The following CFAP276 variants were observed in gnomAD, a reference collection of about 807,000 sequenced individuals.
CFAP276 encodes cilia and flagella associated protein 276.
the CFAP276 span, chr1:109,113,604 G>C: frequency 2.8e-3 from 4,560 of 1,612,384 alleles, 124 homozygotes; most frequent in African/African-American, 0.053. Context: ...AGATCTCCAG[G>C]AGTGGCCTTC....
the CFAP276 span, among the ~76,000 whole-genome samples, chr1:109,111,819 T>C: frequency 6.6e-6 from 1 of 152,190 alleles, no homozygotes; most frequent in East Asian, 1.9e-4. Context: ...AAGCTTTCCT[T>C]TAAGTTCCTG....
At chr1:109,112,703 G>A in the CFAP276 span, 8 of 1,548,622 alleles carry the variant, frequency 5.2e-6, no homozygotes, top group Admixed American at 1.6e-4. Context: ...ACTCTTTTAA[G>A]AGGGATGGGA....
At chr1:109,112,491 CTGAG>C in the CFAP276 span, 6 of 1,411,096 alleles carry the variant, frequency 4.3e-6, no homozygotes, top group Non-Finnish European at 5.6e-6. Context: ...TGGTACCCGA[CTGAG>C]TGTCTTCACC....
chr1:109,112,903 C>A, the CFAP276 span: 17 of 609,938 alleles, frequency 2.8e-5, no homozygotes, highest in Admixed American at 6.3e-4. Flanking sequence ...GCAGAGGGAA[C>A]GTTCCGCTGA....
the CFAP276 span, among the ~76,000 whole-genome samples, chr1:109,107,624 C>A: frequency 1.3e-5 from 2 of 151,798 alleles, no homozygotes; most frequent in East Asian, 3.9e-4. Context: ...TGCAGTGGCT[C>A]ATGCCTATAA....
chr1:109,113,813 A>C, the CFAP276 span: 1 of 955,368 alleles, frequency 1.0e-6, no homozygotes, highest in East Asian at 2.8e-5. Context: ...TCTTCACACG[A>C]GCCCCGGGCC....
the CFAP276 span, chr1:109,112,748 A>G: frequency 9.1e-6 from 14 of 1,535,124 alleles, no homozygotes; most frequent in Middle Eastern, 2.3e-4. Flanking sequence ...TCACTGGCAT[A>G]AGATCCCGGG....
At chr1:109,106,125 G>A in the CFAP276 span, 1 of 1,587,330 alleles carries the variant, frequency 6.3e-7, no homozygotes. Flanking sequence ...AGAGGAAGTG[G>A]ACTGAATTTC....
the CFAP276 span, chr1:109,113,810 AC>A: frequency 1.0e-6 from 1 of 983,682 alleles, no homozygotes; most frequent in Admixed American, 2.2e-5. Context: ...TGTTCTTCAC[AC>A]GAGCCCCGGG....
the CFAP276 span, among the ~76,000 whole-genome samples, chr1:109,112,198 C>G: frequency 1.3e-5 from 2 of 152,192 alleles, no homozygotes; most frequent in East Asian, 1.9e-4. Flanking sequence ...AAGACAGAGA[C>G]AGTGTGAACA....
chr1:109,113,483 CT>C, the CFAP276 span: 31 of 578,608 alleles, frequency 5.4e-5, 1 homozygote, highest in East Asian at 1.3e-3. Context: ...ACGTGCGGCG[CT>C]TGGGAAATTG....
chr1:109,107,914 T>C, the CFAP276 span: 5 of 1,590,616 alleles, frequency 3.1e-6, no homozygotes, highest in Non-Finnish European at 4.3e-6. Context: ...ATTTCAATGC[T>C]AGGTACCTCG....
chr1:109,113,414 G>A, the CFAP276 span, among the ~76,000 whole-genome samples: 48 of 100,594 alleles, frequency 4.8e-4, 1 homozygote, highest in African/African-American at 2.1e-3. Context: ...GAGAGAGAGA[G>A]AAAGAGAGAG....
chr1:109,113,831 T>C, the CFAP276 span: 2 of 759,208 alleles, frequency 2.6e-6, no homozygotes, highest in African/African-American at 1.8e-5. Flanking sequence ...GCCTGCCTGT[T>C]GGGCCGGTTG....
chr1:109,113,461 A>AGAGG, the CFAP276 span, among the ~76,000 whole-genome samples: 1 of 129,020 alleles, frequency 7.8e-6, no homozygotes, highest in Non-Finnish European at 1.7e-5. Flanking sequence ...AGAGAGAGAG[A>AGAGG]GAGAGAGGCC....
the CFAP276 span, chr1:109,106,446 G>A: frequency 6.7e-7 from 1 of 1,488,854 alleles, no homozygotes; most frequent in Admixed American, 2.0e-5. Flanking sequence ...CTTCCCTACT[G>A]TCCAATCACC....
At chr1:109,113,218 C>A in the CFAP276 span, among the ~76,000 whole-genome samples, 1 of 151,772 alleles carries the variant, frequency 6.6e-6, no homozygotes, top group Non-Finnish European at 1.5e-5. Context: ...GGCGAAACCC[C>A]GTCTCTACAA....
chr1:109,112,599 C>G, the CFAP276 span: 5 of 1,550,540 alleles, frequency 3.2e-6, no homozygotes, highest in Admixed American at 2.0e-5. Flanking sequence ...ACCACAGTAC[C>G]TTGGAAGCCC....
chr1:109,112,046 A>G, the CFAP276 span, among the ~76,000 whole-genome samples: 1 of 152,240 alleles, frequency 6.6e-6, no homozygotes, highest in East Asian at 1.9e-4. Flanking sequence ...TTAGACCACA[A>G]TCACCACTTA....
Sources: allele counts gnomAD v4.1 joint callset (sites outside exome capture counted in the v4.1 genomes callset), GRCh38; gene constraint gnomAD v4.1.1; transcripts MANE v1.5; gene names NCBI Gene and HGNC (gene_info 2026-07-23, HGNC 2026-07-21).